The following SHC4 variants were observed in gnomAD, a reference collection of about 807,000 sequenced individuals.
The protein encoded by SHC4 is SHC-transforming protein 4.
SHC4 carries 41 observed loss-of-function variants against 69.4 expected under a neutral mutation model. The observed-to-expected ratio is 0.59, with a 90% CI of 0.46 to 0.77. The LOEUF (loss-of-function observed/expected upper bound fraction) is 0.77. SHC4 is among the 30% of genes least tolerant of loss of function. The probability of loss-of-function intolerance (pLI) is 0.00; values close to 1 mark genes in which losing one functional copy is unlikely to be tolerated. For missense variants in SHC4, 777 were observed against 783.8 expected, an observed-to-expected ratio of 0.99 and a Z score of 0.10; for synonymous variants, 318 against 299.3, an observed-to-expected ratio of 1.06 and a Z score of -0.64.
chr15:48,906,756 C>T (rs1039584924), intron 2 of SHC4, among the ~76,000 whole-genome samples: 4 of 152,150 alleles, frequency 2.6e-5, no homozygotes, highest in African/African-American at 9.7e-5. Flanking sequence ...CATGAGCTGC[C>T]CCAATATCCT....
chr15:48,847,727 G>A (rs547291587), intron 9 of SHC4, among the ~76,000 whole-genome samples: 1 of 152,230 alleles, frequency 6.6e-6, no homozygotes, highest in South Asian at 2.1e-4. Flanking sequence ...AGTAGGCCAG[G>A]CGTGGTGGGT....
At chr15:48,839,691 A>C in intron 10 of SHC4, among the ~76,000 whole-genome samples, 1 of 152,092 alleles carries the variant, frequency 6.6e-6, no homozygotes, top group Non-Finnish European at 1.5e-5. Context: ...TTCCCCCGCT[A>C]ATTTGGGGTA....
intron 6 of SHC4, among the ~76,000 whole-genome samples, chr15:48,862,752 C>T (rs1354383874): frequency 6.6e-6 from 1 of 152,196 alleles, no homozygotes; most frequent in Non-Finnish European, 1.5e-5. Context: ...TGCCCCTTAA[C>T]TCCTTTTCAG....
intron 2 of SHC4, among the ~76,000 whole-genome samples, chr15:48,907,611 T>A (rs1392131999): frequency 6.6e-6 from 1 of 151,680 alleles, no homozygotes; most frequent in East Asian, 1.9e-4. Flanking sequence ...TTCTCATGCC[T>A]TTGTGTCCTC....
intron 8 of SHC4, among the ~76,000 whole-genome samples, 156 bp downstream of exon 8, chr15:48,855,797 C>A (rs575460080): frequency 6.6e-6 from 1 of 152,156 alleles, no homozygotes; most frequent in South Asian, 2.1e-4. Context: ...TAAAAATGAT[C>A]TAGTGTAGCC....
At chr15:48,871,724 T>C (rs1414774071) in intron 5 of SHC4, among the ~76,000 whole-genome samples, 1 of 152,194 alleles carries the variant, frequency 6.6e-6, no homozygotes, top group Non-Finnish European at 1.5e-5. Flanking sequence ...AAACTCTGTG[T>C]TGAGAAGAAT....
chr15:48,851,309 G>A, intron 8 of SHC4, 61 bp from the exon 9 acceptor site: 1 of 1,517,954 alleles, frequency 6.6e-7, no homozygotes, highest in Admixed American at 1.8e-5. Context: ...AAACTTAAAA[G>A]AAAAAATTTA....
chr15:48,937,659 A>G (rs1595763929), intron 1 of SHC4, among the ~76,000 whole-genome samples: 1 of 152,312 alleles, frequency 6.6e-6, no homozygotes, highest in South Asian at 2.1e-4. Flanking sequence ...AGATCTATCT[A>G]TCCATATCAT....
Position 48,834,750 on chromosome 15 carries a change from A to C in SHC4, c.1737+19T>G. The C allele has an allele frequency of 6.2e-7, 1 of 1,613,044 alleles. No homozygotes were observed. Among genetic ancestry groups the C allele is most frequent in the Non-Finnish European group, 8.5e-7 (1 of 1,179,464 alleles). On this transcript the variant is annotated intron_variant, in intron 11 of 11. Transcript: ENST00000332408. ...TAGAACAACATCCTGTGAAACCTCT[A>C]ATGAGAAGTCAATGATACCTTGCCT...
rs142818805 is a variant in SHC4 at position 48,931,580 on chromosome 15, A to T, written c.586-6631T>A. On this transcript the variant is annotated intron_variant, in intron 1 of 11. Coordinates refer to ENST00000332408, the MANE Select transcript of SHC4 (RefSeq NM_203349.4). ...CTTTCAATCTCCCTATCATCGTCAT[A>T]ACTTCCCTGTCTTCTTCCCTGAACT... 6.0e-3 allele frequency among the ~76,000 whole-genome samples: 906 copies of T among 152,160 alleles called. 5 individuals are homozygous for T. Among genetic ancestry groups the T allele is most frequent in the Non-Finnish European group, 9.9e-3 (676 of 67,992 alleles).
chr15:48,864,482 C>G (rs532953353), intron 6 of SHC4, among the ~76,000 whole-genome samples: 2 of 106,600 alleles, frequency 1.9e-5, no homozygotes, highest in South Asian at 3.4e-4. Context: ...GAGTCTTGCT[C>G]TGTCGCCCAG....
chr15:48,938,913 C>T (rs752722786), intron 1 of SHC4, among the ~76,000 whole-genome samples: 11 of 152,314 alleles, frequency 7.2e-5, no homozygotes, highest in Non-Finnish European at 1.3e-4. Context: ...CAGCTTTACA[C>T]GTACTGGCTG....
intron 1 of SHC4, among the ~76,000 whole-genome samples, chr15:48,938,996 A>G (rs1255382470): frequency 6.6e-6 from 1 of 152,216 alleles, no homozygotes; most frequent in African/African-American, 2.4e-5. Flanking sequence ...ACAATAGTTT[A>G]TGTGTTTCAT....
intron 1 of SHC4, among the ~76,000 whole-genome samples, chr15:48,926,069 C>G (rs571472860): frequency 6.6e-6 from 1 of 152,250 alleles, no homozygotes; most frequent in East Asian, 1.9e-4. Flanking sequence ...GAGCTGTTGA[C>G]TTAAGGCACC....
At chr15:48,828,876 C>T (rs1264867320) in intron 11 of SHC4, among the ~76,000 whole-genome samples, 4 of 152,016 alleles carry the variant, frequency 2.6e-5, no homozygotes, top group Non-Finnish European at 5.9e-5. Context: ...TATTTTTTTG[C>T]TATAGAGTTG....
chr15:48,902,655 G>A (rs565143224), intron 2 of SHC4, among the ~76,000 whole-genome samples: 13 of 152,188 alleles, frequency 8.5e-5, no homozygotes, highest in Non-Finnish European at 1.8e-4. Flanking sequence ...CCCAGCAGCA[G>A]CAGGCATCCA....
At chr15:48,960,391 T>C (rs1901525548) in intron 1 of SHC4, among the ~76,000 whole-genome samples, 1 of 152,154 alleles carries the variant, frequency 6.6e-6, no homozygotes, top group South Asian at 2.1e-4. Flanking sequence ...CGTTTTCCCA[T>C]GAGGGCCTGG....
chr15:48,858,168 T>C (rs772156423), intron 6 of SHC4, among the ~76,000 whole-genome samples: 1 of 152,218 alleles, frequency 6.6e-6, no homozygotes, highest in Admixed American at 6.5e-5. Flanking sequence ...GGCACTAATC[T>C]ACACAGAAGG....
chr15:48,878,793 G>A lies in SHC4; in HGVS notation c.840+5455C>T, dbSNP rs376798804. ...TACTTGAGGAGGGACCCAACTTTCC[G>A]CTATCTTTTGGGTTCATTCCAAATA... On this transcript the variant is annotated intron_variant, in intron 4 of 11. Transcript: ENST00000332408. The A allele has an allele frequency of 4.6e-6, 7 of 1,514,736 alleles. No homozygotes were observed. In the Admixed American group the frequency reaches 1.0e-4, roughly 22 times the overall value. 93.8% of individuals were successfully genotyped at this position (1,514,736 alleles called of 1,614,324 possible). A position where few individuals can be genotyped will look rare whatever the true frequency, so the allele number is the denominator to read the frequency against.
Sources: allele counts gnomAD v4.1 joint callset (sites outside exome capture counted in the v4.1 genomes callset), GRCh38; gene constraint gnomAD v4.1.1; transcripts MANE v1.5; gene names NCBI Gene and HGNC (gene_info 2026-07-23, HGNC 2026-07-21).